MAP6: variants seen among roughly 807,000 people sequenced by gnomAD.
The protein encoded by MAP6 is microtubule associated protein 6.
MAP6 carries 26 observed loss-of-function variants against 42.4 expected under a neutral mutation model. The observed-to-expected ratio is 0.61, with a 90% confidence interval of 0.45 to 0.85. The LOEUF is 0.85. Ranked by LOEUF, MAP6 falls within the 40% of genes least tolerant of loss-of-function variation. MAP6 has a pLI of 0.00. For synonymous variants in MAP6, 418 were observed against 443.8 expected (o/e 0.94, Z 0.73); for missense variants, 966 against 1,099.0 (o/e 0.88, Z 1.71).
intron 3 of MAP6, among the ~76,000 whole-genome samples, chr11:75,593,802 A>C (rs982733351): frequency 6.6e-6 from 1 of 152,184 alleles, no homozygotes; most frequent in African/African-American, 2.4e-5. Flanking sequence ...AAGATCTATT[A>C]TTTCTCATGA....
chr11:75,619,404 A>G (rs1038846827), intron 1 of MAP6, among the ~76,000 whole-genome samples: 57 of 152,274 alleles, frequency 3.7e-4, no homozygotes, highest in African/African-American at 1.3e-3. Flanking sequence ...GTTCAAGGGT[A>G]CATGTACAGT....
At position 75,668,319 on chromosome 11, in the gene MAP6, G is replaced by T; in HGVS notation, c.51C>A (p.Asn17Lys). ...TRACCIARFWNQLDKADIAVP... is the reference protein window; with the variant it reads ...TRACCIARFWKQLDKADIAVP... ...CAGCGATGTCCGCTTTGTCCAACTG[G>T]TTCCAGAAGCGGGCGATGCAGCAGG... is the stretch of plus-strand genomic sequence containing the variant. Residue 17 changes from asparagine to lysine, a missense_variant, in exon 1 of 4, where the codon AAC (asparagine) becomes AAA (lysine). Asn to Lys is a moderately conservative substitution (Grantham distance 94). Transcript: ENST00000304771. The T allele has an allele frequency of 6.3e-7, 1 of 1,577,900 alleles. No individual in the cohort carries two copies. The highest frequency in any genetic ancestry group is 8.5e-7 in the Non-Finnish European group (1 of 1,169,660).
chr11:75,598,458 A>G (rs1355278192), intron 3 of MAP6, among the ~76,000 whole-genome samples: 1 of 152,206 alleles, frequency 6.6e-6, no homozygotes, highest in Non-Finnish European at 1.5e-5. Context: ...TATGCAATCA[A>G]GACTGTTTAG....
At chr11:75,643,903 A>C (rs1021335592) in intron 1 of MAP6, among the ~76,000 whole-genome samples, 2 of 152,204 alleles carry the variant, frequency 1.3e-5, no homozygotes, top group Non-Finnish European at 2.9e-5. Flanking sequence ...TCAATGAGTG[A>C]ATGGATGAAT....
rs934394517 is a variant in MAP6, at chr11:75,667,994, G to A, written c.376C>T (p.Arg126Ter). The change falls in exon 1 of 4, where the codon CGA (arginine) becomes TGA (stop). Residue 126 changes from arginine (R) to a stop codon, truncating the protein, a stop_gained. Transcript: ENST00000304771. LOFTEE classifies it high-confidence loss of function. This position sits in a 1 kb window ranked among gnomAD's most constrained non-coding sequence, Gnocchi z 5.6. Reference sequence around the variant, plus strand: ...TCGGGCCGCTGCACCTTCCAGGCTCGGTAATCCTGCCGCATCACCGAGTCC... The same window carrying A: ...TCGGGCCGCTGCACCTTCCAGGCTCAGTAATCCTGCCGCATCACCGAGTCC... ...PADSVMRQDYRAWKVQRPEPS... is the reference protein window; with the variant it reads ...PADSVMRQDY 1.6e-6 allele frequency: 2 copies of A among 1,249,312 alleles called. No individual in the cohort carries two copies. The highest frequency in any genetic ancestry group is 2.0e-6 in the Non-Finnish European group (2 of 995,072). 77.4% of individuals were successfully genotyped at this position (1,249,312 alleles called of 1,614,324 possible).
At chr11:75,599,624 G>T (rs1013255836) in intron 3 of MAP6, among the ~76,000 whole-genome samples, 3 of 152,210 alleles carry the variant, frequency 2.0e-5, no homozygotes, top group Non-Finnish European at 1.5e-5. Flanking sequence ...GATTTAAAGA[G>T]GGTACTAGGC....
chr11:75,666,918 G>A (rs1366713583), intron 1 of MAP6, among the ~76,000 whole-genome samples: 1 of 152,112 alleles, frequency 6.6e-6, no homozygotes, highest in African/African-American at 2.4e-5. Context: ...GTGGAAGGTG[G>A]GGGGTAATTT....
chr11:75,593,739 G>A (rs567649681), intron 3 of MAP6, among the ~76,000 whole-genome samples: 4 of 152,346 alleles, frequency 2.6e-5, no homozygotes, highest in African/African-American at 9.6e-5. Flanking sequence ...AAAGCCTTGA[G>A]GAAGAAAGAC....
chr11:75,596,429 CCAGCTCAGAGCTCCCAA>C (rs1253888319), intron 3 of MAP6: 1 of 152,302 alleles, frequency 6.6e-6, no homozygotes, highest in Non-Finnish European at 1.5e-5. Flanking sequence ...TCTGCAGGTT[CCAGCTCAGAGCTCCCAA>C]CTGCATCTCC....
intron 3 of MAP6, chr11:75,603,310 T>G (rs1179708813): frequency 2.4e-5 from 24 of 985,786 alleles, no homozygotes; most frequent in Non-Finnish European, 2.9e-5. Context: ...CTTGGTCACC[T>G]TCAGGAAGGC....
At chr11:75,592,221 A>G (rs1037934957) in intron 3 of MAP6, among the ~76,000 whole-genome samples, 1 of 151,908 alleles carries the variant, frequency 6.6e-6, no homozygotes, top group Admixed American at 6.6e-5. Context: ...TTTCGTTTGC[A>G]TCCCTGCTGC....
At chr11:75,634,331 C>A (rs1943333692) in intron 1 of MAP6, among the ~76,000 whole-genome samples, 1 of 152,144 alleles carries the variant, frequency 6.6e-6, no homozygotes, top group Admixed American at 6.5e-5. Context: ...GGCTGGAGTG[C>A]CAGGGCGTGA....
chr11:75,587,011 G>T lies in MAP6; in HGVS notation c.*48C>A. On this transcript the variant is annotated 3_prime_UTR_variant, in exon 4 of 4. Transcript: ENST00000304771. ...TGTGTCTTCACTGCCCCTGGGAGGG[G>T]AGCACTCTCACTGTCAGCTCCTTCA... 2.0e-6 allele frequency: 3 copies of T among 1,509,086 alleles called. No homozygotes were observed. The highest frequency in any genetic ancestry group is 4.5e-5 in the East Asian group (2 of 43,972). The allele number at this position is 1,509,086 out of a possible 1,614,324, so 93.5% of individuals were successfully genotyped here.
At chr11:75,616,178 T>C (rs1942991520) in intron 1 of MAP6, among the ~76,000 whole-genome samples, 1 of 152,236 alleles carries the variant, frequency 6.6e-6, no homozygotes, top group South Asian at 2.1e-4. Flanking sequence ...AATGGATTGC[T>C]GCCAACTATG....
rs761261799 is a variant in MAP6 at position 75,587,650 on chromosome 11, T to C, written c.1851A>G (p.Glu617=). Residue 617 remains glutamate, a synonymous_variant, in exon 4 of 4, where the codon GAA becomes GAG. Coordinates refer to ENST00000304771, the MANE Select transcript of MAP6 (RefSeq NM_033063.2). ...GPIVPAPVKG[E]GPIVPAPVKD... ...TGACAGGTGCTGGGACTATGGGACC[T>C]TCACCCTTGACAGGTGCTGGGACTA... 3.1e-6 allele frequency: 5 copies of C among 1,614,100 alleles called. No individual in the cohort carries two copies. The South Asian group carries it at 5.5e-5, about 18-fold the overall frequency.
intron 3 of MAP6, among the ~76,000 whole-genome samples, chr11:75,602,065 G>A (rs1942672657): frequency 6.6e-6 from 1 of 151,838 alleles, no homozygotes; most frequent in African/African-American, 2.4e-5. Flanking sequence ...ACATATGTTG[G>A]AAAAATGAAG....
chr11:75,635,042 T>G (rs1943345990), intron 1 of MAP6, among the ~76,000 whole-genome samples: 2 of 152,188 alleles, frequency 1.3e-5, no homozygotes, highest in South Asian at 4.1e-4. Context: ...AATAATGATC[T>G]CTGTGAAAGT....
At chr11:75,637,278 C>T (rs939765671) in intron 1 of MAP6, among the ~76,000 whole-genome samples, 7 of 152,056 alleles carry the variant, frequency 4.6e-5, no homozygotes, top group South Asian at 2.1e-4. Context: ...ATATATGGAG[C>T]GGTTGAATTA....
chr11:75,660,069 T>C (rs919601636), intron 1 of MAP6, among the ~76,000 whole-genome samples: 81 of 152,212 alleles, frequency 5.3e-4, no homozygotes, highest in African/African-American at 1.9e-3. Context: ...GCTGAGTTCA[T>C]ATGAGGTTTC....
Sources: allele counts gnomAD v4.1 joint callset (sites outside exome capture counted in the v4.1 genomes callset), GRCh38; gene constraint gnomAD v4.1.1; non-coding constraint Gnocchi (gnomAD v3.1); transcripts MANE v1.5; gene names NCBI Gene and HGNC (gene_info 2026-07-23, HGNC 2026-07-21).